The following GOLGA4 variants were observed in gnomAD, a reference collection of about 807,000 sequenced individuals.
GOLGA4 encodes golgin A4.
In GOLGA4, 169 loss-of-function variants were observed where a neutral mutation model predicts 265.9. The observed-to-expected ratio is 0.64, with a 90% CI of 0.56 to 0.72. The LOEUF is 0.72. Ranked by LOEUF, GOLGA4 falls within the 30% of genes least tolerant of loss-of-function variation. The pLI, the probability that GOLGA4 is intolerant of heterozygous loss-of-function variation, is 0.00. For missense variants in GOLGA4, 2,482 were observed against 2,483.4 expected (o/e 1.00, Z 0.01); for synonymous variants, 923 against 855.8 (o/e 1.08, Z -1.37).
At position 37,302,255 on chromosome 3, in the gene GOLGA4, A is replaced by G; in HGVS notation, c.1157A>G (p.Gln386Arg). The G allele has an allele frequency of 1.2e-6, 2 of 1,613,192 alleles. No individual in the cohort carries two copies. Among genetic ancestry groups the G allele is most frequent in the Non-Finnish European group, 1.7e-6 (2 of 1,179,172 alleles). ...GAAATGAAAGAAGAAGAAATTGCTC[A>G]ACTCCGTAGTCGCATCAAACAGATG... is the stretch of plus-strand genomic sequence containing the variant. Reference protein sequence around the residue: ...TLEMKEEEIAQLRSRIKQMTT... With the variant: ...TLEMKEEEIARLRSRIKQMTT... Residue 386 changes from glutamine to arginine, a missense_variant, in exon 10 of 24, where the codon CAA becomes CGA. Coordinates refer to ENST00000361924, the MANE Select transcript of GOLGA4 (RefSeq NM_002078.5).
chr3:37,292,041 G>A (rs142220117), intron 5 of GOLGA4, among the ~76,000 whole-genome samples: 17 of 152,250 alleles, frequency 1.1e-4, no homozygotes, highest in East Asian at 1.9e-4. Context: ...ATAGGTAGCC[G>A]GGAGAGGGAG....
At chr3:37,365,992 G>T in intron 23 of GOLGA4, 88 bp from the exon 24 acceptor site, 1 of 1,166,278 alleles carries the variant, frequency 8.6e-7, no homozygotes, top group Non-Finnish European at 1.2e-6. Context: ...TTTCAAACTT[G>T]AAAAAACAAA....
chr3:37,265,682 A>T (rs2096781731), intron 2 of GOLGA4, among the ~76,000 whole-genome samples: 2 of 152,126 alleles, frequency 1.3e-5, no homozygotes, highest in South Asian at 4.1e-4. Context: ...TTACCTCCCA[A>T]AGTTTCCTCC....
At chr3:37,341,666 C>G (rs1167667844) in intron 20 of GOLGA4, 1 of 152,142 alleles carries the variant, frequency 6.6e-6, no homozygotes, top group East Asian at 1.9e-4. Context: ...GCCATACCAC[C>G]GTGAATGCTC....
In GOLGA4 at chr3:37,293,090, T is replaced by C. The variant is rs557115555; in HGVS notation, c.583-1889T>C. ...GCTTATAATTCTTTGAAAATATTGT[T>C]TGAGGAAAATTATTCTAGCAAATGT... On this transcript the variant is annotated intron_variant, in intron 5 of 23. Transcript: ENST00000361924. Among the ~76,000 whole-genome samples, 15 of 152,300 alleles carry C rather than the reference T, an allele frequency of 9.8e-5. No individual in the cohort carries two copies. The South Asian group carries it at 2.9e-3, about 30-fold the overall frequency.
intron 2 of GOLGA4, among the ~76,000 whole-genome samples, chr3:37,267,196 C>T (rs1466933827): frequency 6.6e-6 from 1 of 152,158 alleles, no homozygotes; most frequent in Admixed American, 6.5e-5. Flanking sequence ...AATGAAGCTA[C>T]CTTCGCTTAC....
chr3:37,258,563 A>C (rs1014123055), intron 2 of GOLGA4, among the ~76,000 whole-genome samples: 4 of 152,120 alleles, frequency 2.6e-5, no homozygotes, highest in Non-Finnish European at 5.9e-5. Context: ...CCTGACCTCA[A>C]GTGATCTGCC....
chr3:37,288,562 T>C (rs1474798299), intron 4 of GOLGA4, among the ~76,000 whole-genome samples: 1 of 150,412 alleles, frequency 6.6e-6, no homozygotes, highest in African/African-American at 2.4e-5. Flanking sequence ...CTGCAAGCTC[T>C]GCCTCCTGGG....
chr3:37,342,300 C>T (rs2097038439), intron 20 of GOLGA4, among the ~76,000 whole-genome samples: 2 of 152,152 alleles, frequency 1.3e-5, no homozygotes, highest in South Asian at 4.1e-4. Flanking sequence ...GCCAAGATCA[C>T]ACCACTGGAC....
intron 2 of GOLGA4, among the ~76,000 whole-genome samples, chr3:37,270,285 A>T (rs1271873826): frequency 6.9e-6 from 1 of 145,186 alleles, no homozygotes; most frequent in Non-Finnish European, 1.5e-5. Flanking sequence ...GGCGCACTGC[A>T]GCCTCTGCCT....
chr3:37,315,875 G>T (rs1038970283), intron 11 of GOLGA4, among the ~76,000 whole-genome samples: 1 of 152,210 alleles, frequency 6.6e-6, no homozygotes, highest in Non-Finnish European at 1.5e-5. Flanking sequence ...GCACCTTGAA[G>T]ATAGGCTACT....
At chr3:37,281,190 G>T (rs1380137079) in intron 2 of GOLGA4, among the ~76,000 whole-genome samples, 3 of 152,162 alleles carry the variant, frequency 2.0e-5, no homozygotes, top group Non-Finnish European at 4.4e-5. Context: ...AAATTAATTT[G>T]TTATTCCAAT....
intron 10 of GOLGA4, among the ~76,000 whole-genome samples, chr3:37,304,321 G>A (rs2096900723): frequency 6.6e-6 from 1 of 152,202 alleles, no homozygotes; most frequent in South Asian, 2.1e-4. Context: ...TATTTCATAA[G>A]TATCTCCCCA....
chr3:37,300,534 A>G (rs2096889927), intron 9 of GOLGA4, among the ~76,000 whole-genome samples: 1 of 152,042 alleles, frequency 6.6e-6, no homozygotes, highest in Non-Finnish European at 1.5e-5. Context: ...TTTACAAAAG[A>G]AAAGCTGCTA....
chr3:37,247,134 T>C (rs550275884), intron 1 of GOLGA4, among the ~76,000 whole-genome samples: 2 of 152,202 alleles, frequency 1.3e-5, no homozygotes, highest in Non-Finnish European at 2.9e-5. Context: ...ACCTAAAATA[T>C]AAAGGTTTAT....
Position 37,325,873 on chromosome 3 carries a change from T to C in GOLGA4, c.3987T>C (p.Asn1329=). ...EKEALQKEGG[N]QQQAASEKES... is the part of the protein sequence containing the mutation. Reference sequence around the variant, plus strand: ...AAGCCTTACAGAAGGAAGGAGGCAATCAGCAACAGGCTGCTTCTGAAAAGG... The same window carrying C: ...AAGCCTTACAGAAGGAAGGAGGCAACCAGCAACAGGCTGCTTCTGAAAAGG... The change falls in exon 14 of 24, where the codon AAT becomes AAC. Residue 1329 remains asparagine (N), a synonymous_variant. Coordinates refer to ENST00000361924, the MANE Select transcript of GOLGA4 (RefSeq NM_002078.5). 1 of 1,613,678 alleles carries C rather than the reference T, an allele frequency of 6.2e-7. No individual in the cohort carries two copies.
chr3:37,364,775 A>G (rs894086591), intron 23 of GOLGA4, among the ~76,000 whole-genome samples: 1 of 151,620 alleles, frequency 6.6e-6, no homozygotes, highest in African/African-American at 2.4e-5. Context: ...AAAAGTTTGT[A>G]GATACAGGGT....
chr3:37,339,265 C>T (rs1255641691), intron 19 of GOLGA4, among the ~76,000 whole-genome samples: 3 of 152,164 alleles, frequency 2.0e-5, no homozygotes, highest in African/African-American at 4.8e-5. Flanking sequence ...AATATACCAT[C>T]GTATGGATAT....
chr3:37,314,642 A>ACACAC (rs2096932199), intron 10 of GOLGA4, among the ~76,000 whole-genome samples: 5 of 138,970 alleles, frequency 3.6e-5, no homozygotes, highest in Non-Finnish European at 7.7e-5. Context: ...CTCCGTCTCA[A>ACACAC]ACACACACAC....
Sources: gnomAD v4.1 joint callset for allele counts (sites outside exome capture counted in the v4.1 genomes callset) on GRCh38, gnomAD v4.1.1 for gene constraint, MANE v1.5 for transcripts, NCBI Gene and HGNC (gene_info 2026-07-23, HGNC 2026-07-21) for gene names.